Variants in PCDHA6 observed in about 807,000 individuals in gnomAD.
The protein encoded by PCDHA6 is protocadherin alpha-6.
In PCDHA6, 55 loss-of-function variants were observed where a neutral mutation model predicts 60.3. The ratio of observed to expected loss-of-function variants is 0.91; its 90% CI spans 0.73 to 1.14. The LOEUF is 1.14. Among genes scored for constraint, PCDHA6 ranks in the 50% most tolerant of loss-of-function variants. PCDHA6 has a pLI of 0.00. For synonymous variants in PCDHA6, 652 were observed against 557.9 expected, an observed-to-expected ratio of 1.17 and a Z score of -2.38; for missense variants, 1,327 against 1,256.5, an observed-to-expected ratio of 1.06 and a Z score of -0.85.
intron 1 of PCDHA6, among the ~76,000 whole-genome samples, chr5:140,938,510 A>G (rs2092097687): frequency 6.6e-6 from 1 of 151,662 alleles, no homozygotes; most frequent in Non-Finnish European, 1.5e-5. Context: ...TTTATCACAT[A>G]TTTTCTGTTA....
chr5:140,983,270 GGGT>G (rs1349296894), intron 3 of PCDHA6, among the ~76,000 whole-genome samples: 4 of 152,152 alleles, frequency 2.6e-5, no homozygotes, highest in Non-Finnish European at 2.9e-5. Flanking sequence ...CCTAATGGCT[GGGT>G]GAGTATAGGA....
chr5:140,839,516 A>G (rs2150298514), intron 1 of PCDHA6, among the ~76,000 whole-genome samples: 7 of 151,942 alleles, frequency 4.6e-5, no homozygotes, highest in African/African-American at 1.7e-4. Context: ...CAGCCTCTCA[A>G]GTTGCTGGGA....
chr5:140,966,109 C>G (rs373588380), intron 1 of PCDHA6: 47 of 156,394 alleles, frequency 3.0e-4, no homozygotes, highest in African/African-American at 1.1e-3. Context: ...GCCTGGGTGC[C>G]CATACTTAGC....
At chr5:140,931,539 T>C (rs1339633476) in intron 1 of PCDHA6, among the ~76,000 whole-genome samples, 1 of 152,056 alleles carries the variant, frequency 6.6e-6, no homozygotes, top group Non-Finnish European at 1.5e-5. Context: ...AGAGATATAC[T>C]GTTCATATGT....
At chr5:140,834,279 T>C in intron 1 of PCDHA6, 4 of 1,100,284 alleles carry the variant, frequency 3.6e-6, no homozygotes, top group Non-Finnish European at 5.3e-6. Context: ...ACTCTTTGGA[T>C]GCACAACAAT....
rs1554146062 is a variant in PCDHA6, at chr5:140,852,704, C to G, written c.2394+22219C>G. The G allele has an allele frequency of 8.2e-6, 8 of 978,408 alleles. 1 individual carries two copies. The highest frequency in any genetic ancestry group is 7.4e-6 in the Non-Finnish European group (6 of 811,580). The allele number at this position is 978,408 out of a possible 1,614,324, so 60.6% of individuals were successfully genotyped here. ...AATATAGTCTTATACTTTCAAGTAT[C>G]TTTGTCTTTGCACGTTTTTCAAGTT... On this transcript the variant is annotated intron_variant, in intron 1 of 3. Transcript: ENST00000529310.
intron 1 of PCDHA6, chr5:140,966,646 G>T (rs2096032297): frequency 4.4e-6 from 5 of 1,139,570 alleles, no homozygotes; most frequent in Non-Finnish European, 4.6e-6. Flanking sequence ...TTTCTAGAGC[G>T]TGAGCGGTGG....
Position 140,834,387 on chromosome 5 carries a change from G to A in PCDHA6, c.2394+3902G>A, listed in dbSNP as rs141534918. The A allele has an allele frequency of 6.3e-5, 99 of 1,583,890 alleles. No homozygotes were observed. Among genetic ancestry groups the A allele is most frequent in the Non-Finnish European group, 8.4e-5 (98 of 1,164,446 alleles). ...AAAAACAAGCCAATAATTTGAAATG[G>A]TGTGCCCGAATGGATACGACCCAGG... On this transcript the variant is annotated intron_variant, in intron 1 of 3. Coordinates refer to ENST00000529310, the MANE Select transcript of PCDHA6 (RefSeq NM_018909.4).
At chr5:140,869,615 G>A (rs373081906) in intron 1 of PCDHA6, 4 of 1,613,740 alleles carry the variant, frequency 2.5e-6, no homozygotes, top group East Asian at 4.5e-5. Flanking sequence ...TTGACCTACA[G>A]GCTAAGTAAA....
chr5:140,887,124 T>G (rs1554182893), intron 1 of PCDHA6, among the ~76,000 whole-genome samples: 2 of 151,068 alleles, frequency 1.3e-5, no homozygotes, highest in Admixed American at 6.6e-5. Flanking sequence ...TGAGACGGAG[T>G]CTCACTCTGT....
chr5:140,850,309 C>T lies in PCDHA6; in HGVS notation c.2394+19824C>T, dbSNP rs2150478880. The stretch of plus-strand genomic sequence containing the variant: ...GTGGACGCCGACTCGGGCTACAACG[C>T]GTGGCTTTCATACGAGCTGCAGCCA... On this transcript the variant is annotated intron_variant, in intron 1 of 3. Coordinates refer to ENST00000529310, the MANE Select transcript of PCDHA6 (RefSeq NM_018909.4). 1.7e-5 allele frequency: 27 copies of T among 1,597,088 alleles called. 3 individuals carry two copies. Among genetic ancestry groups the T allele is most frequent in the Non-Finnish European group, 2.3e-5 (27 of 1,167,652 alleles).
intron 3 of PCDHA6, among the ~76,000 whole-genome samples, chr5:140,986,222 G>A (rs1554247822): frequency 1.3e-5 from 2 of 152,164 alleles, no homozygotes; most frequent in African/African-American, 4.8e-5. Flanking sequence ...CCTTTCTCTA[G>A]CCTCCCCTCT....
At chr5:140,879,375 C>T (rs2057967921) in intron 1 of PCDHA6, among the ~76,000 whole-genome samples, 1 of 152,076 alleles carries the variant, frequency 6.6e-6, no homozygotes, top group Non-Finnish European at 1.5e-5. Context: ...ACCTGCAGAA[C>T]AAGGTTGGAG....
chr5:140,923,306 C>T (rs572766829), intron 1 of PCDHA6, among the ~76,000 whole-genome samples: 1 of 152,098 alleles, frequency 6.6e-6, no homozygotes, highest in East Asian at 1.9e-4. Flanking sequence ...GGCGTGGGGG[C>T]GCTTGGCCTA....
rs1053041034 is a variant in PCDHA6 at position 141,011,123 on chromosome 5, T to G, written c.*1186T>G. ...CTCTCTCTTTTCTAAGAAACAATTA[T>G]GTGCACTTTGATACACAACCTTCTC... is the stretch of plus-strand genomic sequence containing the variant. On this transcript the variant is annotated 3_prime_UTR_variant, in exon 4 of 4. Coordinates refer to ENST00000529310, the MANE Select transcript of PCDHA6 (RefSeq NM_018909.4). 3 of 153,884 alleles carry G rather than the reference T, an allele frequency of 1.9e-5. No homozygotes were observed. The Admixed American group carries it at 2.0e-4, about 10-fold the overall frequency. The allele number at this position is 153,884 out of a possible 1,614,324, so 9.5% of individuals were successfully genotyped here.
chr5:140,957,948 G>C (rs2153715688), intron 1 of PCDHA6, among the ~76,000 whole-genome samples: 1 of 152,152 alleles, frequency 6.6e-6, no homozygotes, highest in Non-Finnish European at 1.5e-5. Flanking sequence ...AGATCTTTAA[G>C]ACTATTAATT....
At chr5:140,836,198 G>A in intron 1 of PCDHA6, 2 of 1,613,862 alleles carry the variant, frequency 1.2e-6, no homozygotes, top group Non-Finnish European at 1.7e-6. Context: ...GCTACAACGC[G>A]TGGCTTTCGT....
At chr5:140,873,403 GT>G (rs2054272319) in intron 1 of PCDHA6, among the ~76,000 whole-genome samples, 1 of 152,046 alleles carries the variant, frequency 6.6e-6, no homozygotes, top group South Asian at 2.1e-4. Flanking sequence ...TTCAGTACAG[GT>G]TAAAATTTTG....
intron 1 of PCDHA6, chr5:140,868,005 T>C (rs1405523098): frequency 6.6e-6 from 1 of 152,108 alleles, no homozygotes; most frequent in East Asian, 1.9e-4. Flanking sequence ...TATAACTGAA[T>C]TAGATTAAGG....
Sources: gnomAD v4.1 joint callset for allele counts (sites outside exome capture counted in the v4.1 genomes callset) on GRCh38, gnomAD v4.1.1 for gene constraint, MANE v1.5 for transcripts, NCBI Gene and HGNC (gene_info 2026-07-23, HGNC 2026-07-21) for gene names.